The following GPC6 variants were observed in gnomAD, a reference collection of about 807,000 sequenced individuals.
GPC6 encodes the protein glypican 6.
A neutral mutation model predicts 55.2 loss-of-function variants in GPC6; 14 were observed. The ratio of observed to expected loss-of-function variants is 0.25; its 90% CI spans 0.17 to 0.40. The LOEUF (loss-of-function observed/expected upper bound fraction) is 0.40. Ranked by LOEUF, GPC6 falls within the 10% of genes least tolerant of loss-of-function variation. GPC6 has a pLI of 1.00. For missense variants in GPC6, 641 were observed against 708.5 expected (o/e 0.90, Z 1.08); for synonymous variants, 278 against 259.6 (o/e 1.07, Z -0.68).
At chr13:93,403,892 T>C (rs1012323541) in intron 1 of GPC6, among the ~76,000 whole-genome samples, 1 of 152,166 alleles carries the variant, frequency 6.6e-6, no homozygotes, top group Non-Finnish European at 1.5e-5. Flanking sequence ...TTTTATTAGA[T>C]AGACCTTTGT....
chr13:94,056,187 A>G (rs913028626), intron 4 of GPC6, among the ~76,000 whole-genome samples: 5 of 152,140 alleles, frequency 3.3e-5, no homozygotes, highest in Non-Finnish European at 5.9e-5. Flanking sequence ...AGAGTTTTGG[A>G]CACACATGTC....
chr13:94,219,439 A>C (rs1890317960), intron 4 of GPC6, among the ~76,000 whole-genome samples: 1 of 152,148 alleles, frequency 6.6e-6, no homozygotes, highest in Admixed American at 6.5e-5. Context: ...TTTCCCCATC[A>C]TTCTGTGCTT....
At chr13:93,858,402 A>C (rs1888695231) in intron 3 of GPC6, among the ~76,000 whole-genome samples, 1 of 151,614 alleles carries the variant, frequency 6.6e-6, no homozygotes, top group Admixed American at 6.6e-5. Flanking sequence ...ATAATTTGGC[A>C]TCAACACTTT....
At chr13:93,548,459 T>C (rs1162430770) in intron 2 of GPC6, among the ~76,000 whole-genome samples, 1 of 152,238 alleles carries the variant, frequency 6.6e-6, no homozygotes, top group Non-Finnish European at 1.5e-5. Context: ...TGGTTATCAC[T>C]TTTCTTACTG....
At chr13:93,424,844 T>A (rs1877064743) in intron 1 of GPC6, among the ~76,000 whole-genome samples, 2 of 152,136 alleles carry the variant, frequency 1.3e-5, no homozygotes, top group African/African-American at 4.8e-5. Flanking sequence ...TCCCGTAGAT[T>A]ATTTGGAAAC....
intron 4 of GPC6, among the ~76,000 whole-genome samples, chr13:94,083,327 C>G (rs576766810): frequency 2.6e-5 from 4 of 152,104 alleles, no homozygotes; most frequent in African/African-American, 9.7e-5. Flanking sequence ...ACCGTGTTAG[C>G]CAGGATGGTC....
chr13:93,981,153 G>T (rs911175567), intron 3 of GPC6, among the ~76,000 whole-genome samples: 11 of 151,992 alleles, frequency 7.2e-5, no homozygotes, highest in African/African-American at 2.7e-4. Flanking sequence ...CCTAAGTTTG[G>T]ACTCCTTATT....
intron 1 of GPC6, among the ~76,000 whole-genome samples, chr13:93,314,754 T>TGCGCGCGC (rs143367023): frequency 4.4e-4 from 65 of 149,400 alleles, no homozygotes; most frequent in African/African-American, 1.4e-3. Context: ...TGTGTGTGTG[T>TGCGCGCGC]GTGCACGCAT....
chr13:93,787,882 G>A (rs921563849), intron 2 of GPC6, among the ~76,000 whole-genome samples: 1 of 152,162 alleles, frequency 6.6e-6, no homozygotes, highest in Non-Finnish European at 1.5e-5. Context: ...AACCAGGACA[G>A]TCACTTGTCC....
At chr13:94,173,746 G>A (rs191591763) in intron 4 of GPC6, among the ~76,000 whole-genome samples, 2 of 152,258 alleles carry the variant, frequency 1.3e-5, no homozygotes, top group East Asian at 1.9e-4. Context: ...TTAAAAGCAT[G>A]TTTTGATTCC....
At chr13:93,608,347 T>C (rs1878329840) in intron 2 of GPC6, among the ~76,000 whole-genome samples, 1 of 152,228 alleles carries the variant, frequency 6.6e-6, no homozygotes, top group Non-Finnish European at 1.5e-5. Flanking sequence ...TGGTTGTATT[T>C]CTTATTCTAA....
chr13:93,271,436 G>T (rs1263250883), intron 1 of GPC6, among the ~76,000 whole-genome samples: 4 of 151,942 alleles, frequency 2.6e-5, no homozygotes, highest in Non-Finnish European at 5.9e-5. Context: ...AAAGTATTCA[G>T]ACATCTTTGA....
chr13:94,141,965 C>T (rs1430173812), intron 4 of GPC6, among the ~76,000 whole-genome samples: 1 of 152,068 alleles, frequency 6.6e-6, no homozygotes, highest in Non-Finnish European at 1.5e-5. Flanking sequence ...GTTGGTGTGA[C>T]CACATGGATG....
At chr13:93,677,650 C>A (rs942998418) in intron 2 of GPC6, among the ~76,000 whole-genome samples, 1 of 152,044 alleles carries the variant, frequency 6.6e-6, no homozygotes, top group Non-Finnish European at 1.5e-5. Context: ...GGCCAGAGGA[C>A]CACATAAATC....
At chr13:93,746,313 A>G (rs1419627343) in intron 2 of GPC6, among the ~76,000 whole-genome samples, 1 of 152,184 alleles carries the variant, frequency 6.6e-6, no homozygotes, top group Admixed American at 6.5e-5. Flanking sequence ...GCCAGAACAA[A>G]TATTTAATGT....
intron 2 of GPC6, among the ~76,000 whole-genome samples, chr13:93,690,392 T>G (rs1450332275): frequency 6.6e-6 from 1 of 152,062 alleles, no homozygotes; most frequent in East Asian, 1.9e-4. Flanking sequence ...GACAGCTCCC[T>G]GGCAGCTGAG....
rs537211806 is a variant in GPC6, at chr13:93,252,399, A to C, written c.160+24783A>C. ...ATCTGATAAAAGATTTTTCCAATAC[A>C]CTTACTTTTCTTCCTGACTAATTTG... On this transcript the variant is annotated intron_variant, in intron 1 of 8. Coordinates refer to ENST00000377047, the MANE Select transcript of GPC6 (RefSeq NM_005708.5). 2.0e-3 allele frequency among the ~76,000 whole-genome samples: 309 copies of C among 152,220 alleles called. 2 individuals carry two copies. The highest frequency in any genetic ancestry group is 3.9e-3 in the Non-Finnish European group (263 of 67,996).
intron 1 of GPC6, among the ~76,000 whole-genome samples, chr13:93,418,785 A>G (rs184825540): frequency 6.4e-4 from 96 of 149,720 alleles, no homozygotes; most frequent in African/African-American, 1.8e-3. Flanking sequence ...GCACTATACC[A>G]TAGCATCACT....
At chr13:93,379,958 CAAAAA>C (rs58011385) in intron 1 of GPC6, among the ~76,000 whole-genome samples, 4 of 129,202 alleles carry the variant, frequency 3.1e-5, no homozygotes, top group East Asian at 2.3e-4. Context: ...AATTCTGTCT[CAAAAA>C]AAAAAAAAAA....
Sources: gnomAD v4.1 joint callset for allele counts (sites outside exome capture counted in the v4.1 genomes callset) on GRCh38, gnomAD v4.1.1 for gene constraint, MANE v1.5 for transcripts, NCBI Gene and HGNC (gene_info 2026-07-23, HGNC 2026-07-21) for gene names.